TRNT1: variants seen among roughly 807,000 people sequenced by gnomAD.
The protein encoded by TRNT1 is CCA tRNA nucleotidyltransferase 1, mitochondrial.
TRNT1 carries 44 observed loss-of-function variants against 45.6 expected under a neutral mutation model. The observed-to-expected ratio is 0.97, with a 90% CI of 0.76 to 1.24. The LOEUF is 1.24. TRNT1 is among the 50% of genes most tolerant of loss of function. The pLI, the probability that TRNT1 is intolerant of heterozygous loss-of-function variation, is 0.00. For synonymous variants in TRNT1, 201 were observed against 171.4 expected, an observed-to-expected ratio of 1.17 and a Z score of -1.35; for missense variants, 633 against 504.4, an observed-to-expected ratio of 1.25 and a Z score of -2.44.
chr3:3,142,386 G>T (rs570075191), intron 4 of TRNT1, among the ~76,000 whole-genome samples: 1 of 152,134 alleles, frequency 6.6e-6, no homozygotes, highest in Non-Finnish European at 1.5e-5. Context: ...CTATTTAACC[G>T]ATGGTAACTT....
At chr3:3,146,719 A>C in intron 6 of TRNT1, 96 bp downstream of exon 6, 1 of 1,165,586 alleles carries the variant, frequency 8.6e-7, no homozygotes, top group African/African-American at 1.6e-5. Context: ...TGGTTGAAGA[A>C]TTCTTGGAGA....
intron 2 of TRNT1, among the ~76,000 whole-genome samples, chr3:3,136,283 A>G (rs1705320694): frequency 6.6e-6 from 1 of 152,168 alleles, no homozygotes; most frequent in South Asian, 2.1e-4. Flanking sequence ...GTGGCAGGCT[A>G]GCTCCTGGAT....
At chr3:3,128,933 C>A in intron 1 of TRNT1, 81 bp from the exon 2 acceptor site, 1 of 1,093,816 alleles carries the variant, frequency 9.1e-7, no homozygotes, top group Non-Finnish European at 1.3e-6. Flanking sequence ...AGTTGATAAA[C>A]TTGAAATGTG....
chr3:3,153,416 G>A, downstream of TRNT1: 3 of 1,434,748 alleles, frequency 2.1e-6, no homozygotes, highest in Non-Finnish European at 2.9e-6. Context: ...ACGTAATAAA[G>A]ACCTTACCTG....
At chr3:3,151,359 C>T (rs553835159), downstream of TRNT1, among the ~76,000 whole-genome samples, 11 of 151,906 alleles carry the variant, frequency 7.2e-5, no homozygotes, top group Non-Finnish European at 1.5e-4. Context: ...CTTGTACTGG[C>T]ACCACATTCT....
intron 2 of TRNT1, among the ~76,000 whole-genome samples, chr3:3,133,773 C>G (rs1443965828): frequency 3.3e-5 from 5 of 152,050 alleles, no homozygotes; most frequent in Admixed American, 1.3e-4. Flanking sequence ...TGATCACTCT[C>G]TTGAAGTCCG....
chr3:3,143,807 G>A (rs955533890), intron 4 of TRNT1, among the ~76,000 whole-genome samples: 3 of 152,202 alleles, frequency 2.0e-5, no homozygotes, highest in Non-Finnish European at 2.9e-5. Flanking sequence ...GCAGTGAGCT[G>A]AGATTGCACC....
chr3:3,144,516 G>C lies in TRNT1; in HGVS notation c.482-68G>C. 2.1e-6 allele frequency: 3 copies of C among 1,449,470 alleles called. No homozygotes were observed. The African/African-American group carries it at 4.3e-5, about 21-fold the overall frequency. The allele number at this position is 1,449,470 out of a possible 1,614,324, so 89.8% of individuals were successfully genotyped here. ...TTACTGTTTGTGATAGTGTTTAGCT[G>C]ATTTTCTTGTGTTTTCAAATTCTTA... On this transcript the variant is annotated intron_variant, in intron 4 of 7. Transcript: ENST00000251607.
intron 1 of TRNT1, 110 bp from the exon 2 acceptor site, chr3:3,128,903 GA>G: frequency 1.2e-6 from 1 of 847,670 alleles, no homozygotes; most frequent in Non-Finnish European, 1.8e-6. Flanking sequence ...TTTTTCATCT[GA>G]ACAAGAGATG....
intron 4 of TRNT1, among the ~76,000 whole-genome samples, chr3:3,142,924 G>A (rs1367848075): frequency 1.3e-5 from 2 of 152,110 alleles, no homozygotes; most frequent in African/African-American, 4.8e-5. Flanking sequence ...TGTCAAGATG[G>A]TTCCCTTTTA....
intron 6 of TRNT1, 82 bp downstream of exon 6, chr3:3,146,705 CAT>C (rs1338490188): frequency 1.3e-4 from 161 of 1,268,696 alleles, no homozygotes; most frequent in Non-Finnish European, 1.6e-4. Context: ...ATGTTTGACT[CAT>C]TTGGTTGAAG....
chr3:3,137,729 G>C (rs1037607805), intron 3 of TRNT1, among the ~76,000 whole-genome samples: 2 of 152,034 alleles, frequency 1.3e-5, no homozygotes, highest in African/African-American at 4.8e-5. Flanking sequence ...TTCCATAAGG[G>C]AAGATGATTT....
At chr3:3,139,213 G>A (rs1705497311) in intron 3 of TRNT1, among the ~76,000 whole-genome samples, 1 of 152,196 alleles carries the variant, frequency 6.6e-6, no homozygotes, top group South Asian at 2.1e-4. Context: ...CATTAAGGGA[G>A]TCATTCTAGG....
At chr3:3,147,015 G>T (rs1258497605) in intron 6 of TRNT1, among the ~76,000 whole-genome samples, 1 of 152,210 alleles carries the variant, frequency 6.6e-6, no homozygotes, top group Non-Finnish European at 1.5e-5. Context: ...CACAGAAATT[G>T]TTCAGTAAAC....
At chr3:3,132,518 TC>T (rs1429972775) in intron 2 of TRNT1, among the ~76,000 whole-genome samples, 8 of 25,288 alleles carry the variant, frequency 3.2e-4, no homozygotes, top group African/African-American at 4.6e-4. Flanking sequence ...AATATCACAC[TC>T]TGGGGACTGT....
Position 3,146,335 on chromosome 3 carries a change from A to G in TRNT1, c.609-95A>G, listed in dbSNP as rs529476260. 7 of 876,374 alleles carry G rather than the reference A, an allele frequency of 8.0e-6. No homozygotes were observed. In the South Asian group the frequency reaches 1.2e-4, roughly 15 times the overall value. 54.3% of individuals were successfully genotyped at this position (876,374 alleles called of 1,614,324 possible). A position where few individuals can be genotyped will look rare whatever the true frequency, so the allele number is the denominator to read the frequency against. On this transcript the variant is annotated intron_variant, in intron 5 of 7. Coordinates refer to ENST00000251607, the MANE Select transcript of TRNT1 (RefSeq NM_182916.3). ...TAATTATATGTTGTTTTCATTAAGC[A>G]GATGTATGGGATAGTACCAATAAAA...
chr3:3,129,324 C>G (rs1704847414), intron 2 of TRNT1, 136 bp downstream of exon 2: 3 of 850,250 alleles, frequency 3.5e-6, no homozygotes, highest in Non-Finnish European at 5.3e-6. Context: ...AGTAGAGGGT[C>G]TCTTTGTGTT....
At chr3:3,130,035 A>G in intron 2 of TRNT1, 3 of 223,770 alleles carry the variant, frequency 1.3e-5, no homozygotes, top group Non-Finnish European at 2.5e-5. Context: ...AAGTGCCAGT[A>G]GCTTCTTGCT....
At chr3:3,127,188 GCAGGCGCGGATTCCTTGGCTTCCCT>G (rs1213790207) in intron 1 of TRNT1, 198 bp downstream of exon 1, 1 of 152,352 alleles carries the variant, frequency 6.6e-6, no homozygotes, top group Non-Finnish European at 1.5e-5. Context: ...TCCGGCGACC[GCAGGCGCGGATTCCTTGGCTTCCCT>G]CAGCACTTTC....
Sources: gnomAD v4.1 joint callset for allele counts (sites outside exome capture counted in the v4.1 genomes callset) on GRCh38, gnomAD v4.1.1 for gene constraint, MANE v1.5 for transcripts, NCBI Gene and HGNC (gene_info 2026-07-23, HGNC 2026-07-21) for gene names.